Variants in TICAM2 observed in about 807,000 individuals in gnomAD.
The protein encoded by TICAM2 is TIR domain containing adaptor molecule 2.
TICAM2 carries 8 observed loss-of-function variants against 7.3 expected under a neutral mutation model. The observed-to-expected ratio is 1.10, with a 90% CI of 0.65 to 1.99. TICAM2 has a LOEUF of 1.99. Ranked by LOEUF, TICAM2 falls within the 30% of genes most tolerant of loss-of-function variation. The probability of loss-of-function intolerance (pLI) is 0.00; values close to 1 mark genes in which losing one functional copy is unlikely to be tolerated. For synonymous variants in TICAM2, 113 were observed against 99.6 expected (o/e 1.13, Z -0.80); for missense variants, 304 against 278.8 (o/e 1.09, Z -0.65).
In TICAM2 at chr5:115,581,076, C is replaced by G; in HGVS notation, c.181G>C (p.Gly61Arg). The G allele has an allele frequency of 6.2e-7, 1 of 1,614,158 alleles. No homozygotes were observed. Among genetic ancestry groups the G allele is most frequent in the Non-Finnish European group, 8.5e-7 (1 of 1,180,026 alleles). The change falls in exon 2 of 2, where the codon GGA becomes CGA. Residue 61 changes from glycine (G) to arginine (R), a missense_variant. Physicochemically the swap from Gly to Arg is moderately radical, Grantham distance 125 (BLOSUM62 -2). Transcript: ENST00000427199. ...AACATCTCTTCCACGCTCTGAGCTC[C>G]CTCCTGCTTTCCTGTTGGCCCCTCT... is the stretch of plus-strand genomic sequence containing the variant. ...TTEGPTGKQE[G>R]AQSVEEMFEE...
At position 115,584,329 on chromosome 5, in the gene TICAM2, A is replaced by G. The variant is rs181602571; in HGVS notation, c.-59-3014T>C. On this transcript the variant is annotated intron_variant, in intron 1 of 1. Transcript: ENST00000427199. ...AGTATACATTGCTTTTTCCCTTTAT[A>G]TCTTCAGAGCTTTCCGTAACAGCGC... 1.8e-4 allele frequency among the ~76,000 whole-genome samples: 28 copies of G among 152,314 alleles called. 1 individual carries two copies. The highest frequency in any genetic ancestry group is 3.4e-4 in the Non-Finnish European group (23 of 68,018).
chr5:115,583,531 A>T (rs1285255748), intron 1 of TICAM2, among the ~76,000 whole-genome samples: 2 of 152,192 alleles, frequency 1.3e-5, no homozygotes, highest in Non-Finnish European at 2.9e-5. Flanking sequence ...AATCAGACCG[A>T]GAGAAAAAAA....
chr5:115,583,145 C>T (rs256997), intron 1 of TICAM2, among the ~76,000 whole-genome samples: 92,358 of 151,962 alleles, frequency 0.61, 28,790 homozygotes, highest in African/African-American at 0.77. Context: ...GTTACTGCAT[C>T]GTAAAAAAAA....
chr5:115,600,906 G>A (rs1032990933), intron 1 of TICAM2, among the ~76,000 whole-genome samples: 4 of 152,194 alleles, frequency 2.6e-5, no homozygotes, highest in African/African-American at 9.7e-5. Context: ...TTTAACAGCA[G>A]ATATTTGTTA....
intron 1 of TICAM2, among the ~76,000 whole-genome samples, chr5:115,586,535 G>C (rs1185549227): frequency 6.6e-6 from 1 of 152,070 alleles, no homozygotes; most frequent in Non-Finnish European, 1.5e-5. Context: ...AGCTGCTAAG[G>C]AAAGAAAACA....
rs1328205496 is a variant in TICAM2 at position 115,593,963 on chromosome 5, G to C, written c.-60+8134C>G. 2.6e-5 allele frequency among the ~76,000 whole-genome samples: 4 copies of C among 151,986 alleles called. 1 individual carries two copies. ...ATTGTAGACCAGAAAATGATTACAT[G>C]GTTGATTGTTTTTTTATTTATTCAA... On this transcript the variant is annotated intron_variant, in intron 1 of 1. Coordinates refer to ENST00000427199, the MANE Select transcript of TICAM2 (RefSeq NM_021649.7).
At position 115,580,735 on chromosome 5, in the gene TICAM2, C is replaced by A. The variant is rs755066962; in HGVS notation, c.522G>T (p.Arg174=). Reference sequence around the variant, plus strand: ...CTCGGGGAAGGGGATTGTTCAGGGGCCGCATGGGTATAACAGAGTTGTATT... The same window carrying A: ...CTCGGGGAAGGGGATTGTTCAGGGGACGCATGGGTATAACAGAGTTGTATT... ...QHKYNSVIPM[R]PLNNPLPRER... The change falls in exon 2 of 2, where the codon CGG becomes CGT. Residue 174 remains arginine, a synonymous_variant. Transcript: ENST00000427199. The A allele has an allele frequency of 1.9e-6, 3 of 1,601,934 alleles. No homozygotes were observed. The highest frequency in any genetic ancestry group is 1.1e-5 in the South Asian group (1 of 89,114).
At chr5:115,593,944 G>C (rs183743112) in intron 1 of TICAM2, among the ~76,000 whole-genome samples, 1 of 152,298 alleles carries the variant, frequency 6.6e-6, no homozygotes, top group Non-Finnish European at 1.5e-5. Context: ...AATGATTGTA[G>C]ACCAGAAAAT....
intron 1 of TICAM2, among the ~76,000 whole-genome samples, chr5:115,595,445 T>C (rs1438192478): frequency 6.6e-6 from 1 of 152,212 alleles, no homozygotes; most frequent in East Asian, 1.9e-4. Context: ...CTCCATTCCC[T>C]GCCTATGCTT....
At chr5:115,590,828 T>C (rs1561576473) in intron 1 of TICAM2, among the ~76,000 whole-genome samples, 2 of 152,240 alleles carry the variant, frequency 1.3e-5, no homozygotes, top group Admixed American at 6.5e-5. Context: ...GTTATTTAAC[T>C]CTCTATTATG....
intron 1 of TICAM2, among the ~76,000 whole-genome samples, chr5:115,597,958 T>C (rs1755576455): frequency 6.6e-6 from 1 of 152,212 alleles, no homozygotes; most frequent in Non-Finnish European, 1.5e-5. Flanking sequence ...GAATGGTATA[T>C]GCATAAGAAT....
intron 1 of TICAM2, among the ~76,000 whole-genome samples, chr5:115,590,012 G>C (rs572749541): frequency 6.6e-6 from 1 of 152,100 alleles, no homozygotes; most frequent in Non-Finnish European, 1.5e-5. Flanking sequence ...TATTTTGTTA[G>C]ATTTTAAAAA....
At position 115,580,809 on chromosome 5, in the gene TICAM2, T is replaced by C. The variant is rs754070494; in HGVS notation, c.448A>G (p.Asn150Asp). Residue 150 changes from asparagine (N) to aspartate (D), a missense_variant, in exon 2 of 2, where the codon AAT becomes GAT. Physicochemically the swap from Asn to Asp is conservative, Grantham distance 23. Coordinates refer to ENST00000427199, the MANE Select transcript of TICAM2 (RefSeq NM_021649.7). ...ATTAGGGACGTATAGAACTGGAAAT[T>C]ACACCAAGTATCTCTTAAAAAGTTT... is the stretch of plus-strand genomic sequence containing the variant. ...TENFLRDTWC[N>D]FQFYTSLMNS... is the part of the protein sequence containing the mutation. The C allele has an allele frequency of 6.9e-6, 11 of 1,600,906 alleles. No individual in the cohort carries two copies. The highest frequency in any genetic ancestry group is 1.7e-5 in the Admixed American group (1 of 58,508).
Position 115,581,108 on chromosome 5 carries a change from T to C in TICAM2, c.149A>G (p.Asn50Ser), listed in dbSNP as rs747736368. Reference protein sequence around the residue: ...LSLCNVAEHSNTTEGPTGKQE... With the variant: ...LSLCNVAEHSSTTEGPTGKQE... ...CTTTCCTGTTGGCCCCTCTGTTGTA[T>C]TGCTGTGCTCAGCAACATTACACAA... is the stretch of plus-strand genomic sequence containing the variant. Residue 50 changes from asparagine (N) to serine (S), a missense_variant, in exon 2 of 2, where the codon AAT becomes AGT. By Grantham distance (46) the Asn-to-Ser change is conservative (BLOSUM62 1). Coordinates refer to ENST00000427199, the MANE Select transcript of TICAM2 (RefSeq NM_021649.7). 5.6e-6 allele frequency: 9 copies of C among 1,614,076 alleles called. No individual in the cohort carries two copies. Among genetic ancestry groups the C allele is most frequent in the African/African-American group, 5.3e-5 (4 of 74,932 alleles).
At chr5:115,595,399 C>T (rs1050902505) in intron 1 of TICAM2, among the ~76,000 whole-genome samples, 5 of 152,194 alleles carry the variant, frequency 3.3e-5, no homozygotes, top group Admixed American at 6.5e-5. Context: ...TATGTTTAGT[C>T]TGCCTCCTAA....
At chr5:115,587,131 C>G (rs558128172) in intron 1 of TICAM2, among the ~76,000 whole-genome samples, 88 of 152,102 alleles carry the variant, frequency 5.8e-4, no homozygotes, top group Non-Finnish European at 1.1e-3. Flanking sequence ...GAAGTAAGAG[C>G]AGGGGAAAGG....
At chr5:115,581,413 T>C (rs573262893) in intron 1 of TICAM2, 98 bp from the exon 2 acceptor site, 24 of 1,323,350 alleles carry the variant, frequency 1.8e-5, no homozygotes, top group African/African-American at 1.0e-4. Context: ...AAGATTATAA[T>C]AGACAGATCC....
At chr5:115,599,166 C>A (rs1335931239) in intron 1 of TICAM2, among the ~76,000 whole-genome samples, 1 of 151,608 alleles carries the variant, frequency 6.6e-6, no homozygotes, top group Non-Finnish European at 1.5e-5. Context: ...GTATATTATT[C>A]TCTGAACAAG....
intron 1 of TICAM2, among the ~76,000 whole-genome samples, chr5:115,586,798 T>C (rs1755122220): frequency 6.6e-6 from 1 of 152,200 alleles, no homozygotes; most frequent in Non-Finnish European, 1.5e-5. Context: ...TTAATAAATA[T>C]TTTGGTGGAA....
Sources: gnomAD v4.1 joint callset for allele counts (sites outside exome capture counted in the v4.1 genomes callset) on GRCh38, gnomAD v4.1.1 for gene constraint, MANE v1.5 for transcripts, NCBI Gene and HGNC (gene_info 2026-07-23, HGNC 2026-07-21) for gene names.